PNKD: variants seen among roughly 807,000 people sequenced by gnomAD.
PNKD encodes the protein probable thioesterase PNKD.
Under a neutral mutation model 45.3 loss-of-function variants are expected in PNKD, and 36 were observed. The ratio of observed to expected loss-of-function variants is 0.80; its 90% CI spans 0.61 to 1.05. The LOEUF (loss-of-function observed/expected upper bound fraction) is 1.05, where lower values mean the gene tolerates loss of function less well. Among genes scored for constraint, PNKD ranks in the 50% least tolerant of loss-of-function variants. The probability of loss-of-function intolerance (pLI) is 0.00; values close to 1 mark genes in which losing one functional copy is unlikely to be tolerated. For synonymous variants in PNKD, 197 were observed against 210.1 expected (o/e 0.94, Z 0.54); for missense variants, 511 against 506.6 (o/e 1.01, Z -0.08).
At chr2:218,319,942 C>G (rs936142565) in intron 2 of PNKD, among the ~76,000 whole-genome samples, 2 of 152,224 alleles carry the variant, frequency 1.3e-5, no homozygotes, top group African/African-American at 4.8e-5. Context: ...ATTCAGAGAA[C>G]TGGGGAAGGA....
intron 2 of PNKD, chr2:218,279,436 C>G (rs780548136): frequency 5.4e-6 from 7 of 1,297,338 alleles, no homozygotes; most frequent in Non-Finnish European, 7.3e-6. Flanking sequence ...GTACTTTCCT[C>G]CCACTCAAGA....
At position 218,343,704 on chromosome 2, in the gene PNKD, G is replaced by A. The variant is rs528279260; in HGVS notation, c.868+118G>A. The A allele has an allele frequency of 1.9e-5, 14 of 756,044 alleles. No individual in the cohort carries two copies. The East Asian group carries it at 3.0e-4, about 16-fold the overall frequency. The allele number at this position is 756,044 out of a possible 1,614,324, so 46.8% of individuals were successfully genotyped here. On this transcript the variant is annotated intron_variant, in intron 8 of 9. Transcript: ENST00000273077. ...CCAGCCCAGTTCCTGGCCCAGAAGCGACACAGCTCCACCTCTAGGGGTAGG... is the reference window on the plus strand; with the variant it reads ...CCAGCCCAGTTCCTGGCCCAGAAGCAACACAGCTCCACCTCTAGGGGTAGG...
intron 2 of PNKD, among the ~76,000 whole-genome samples, chr2:218,314,046 T>C (rs1693693575): frequency 6.6e-6 from 1 of 151,270 alleles, no homozygotes; most frequent in African/African-American, 2.4e-5. Flanking sequence ...CTCAGCCTCC[T>C]GAGTTGCTGG....
intron 2 of PNKD, among the ~76,000 whole-genome samples, chr2:218,273,791 C>T (rs985286686): frequency 3.3e-5 from 5 of 152,040 alleles, no homozygotes; most frequent in African/African-American, 1.2e-4. Context: ...AGCCACCGCA[C>T]CAGGCCCAGT....
At chr2:218,335,881 A>G (rs1694474184) in intron 2 of PNKD, among the ~76,000 whole-genome samples, 1 of 152,168 alleles carries the variant, frequency 6.6e-6, no homozygotes, top group African/African-American at 2.4e-5. Flanking sequence ...GGGTCTGAAG[A>G]GCGGCTGCCC....
At chr2:218,301,622 T>A (rs1253314216) in intron 2 of PNKD, among the ~76,000 whole-genome samples, 1 of 152,052 alleles carries the variant, frequency 6.6e-6, no homozygotes. Flanking sequence ...CCCATCTCTT[T>A]AAAAAAATTA....
intron 2 of PNKD, chr2:218,278,356 C>T: frequency 1.4e-6 from 1 of 738,218 alleles, no homozygotes; most frequent in Non-Finnish European, 2.3e-6. Context: ...ACACATGGTC[C>T]TTTGTATACA....
At chr2:218,298,297 A>G (rs1003148998) in intron 2 of PNKD, among the ~76,000 whole-genome samples, 3 of 152,092 alleles carry the variant, frequency 2.0e-5, no homozygotes, top group African/African-American at 7.2e-5. Context: ...CCTTGGGGAT[A>G]CTTCTTTCCA....
intron 2 of PNKD, among the ~76,000 whole-genome samples, chr2:218,281,500 A>G (rs574425118): frequency 6.6e-6 from 1 of 152,306 alleles, no homozygotes; most frequent in African/African-American, 2.4e-5. Context: ...CTTGGCTCCA[A>G]ATGTCTTTTG....
At chr2:218,288,806 G>C (rs1692725476) in intron 2 of PNKD, among the ~76,000 whole-genome samples, 1 of 151,986 alleles carries the variant, frequency 6.6e-6, no homozygotes, top group South Asian at 2.1e-4. Context: ...AGTTGGGGTG[G>C]GTAAAAGAAA....
intron 2 of PNKD, chr2:218,280,249 A>T (rs1691752473): frequency 1.4e-6 from 1 of 720,704 alleles, no homozygotes; most frequent in Admixed American, 2.3e-5. Context: ...TATAACAGGA[A>T]CTCTTCTCCC....
At chr2:218,276,825 G>T (rs1287542435) in intron 2 of PNKD, among the ~76,000 whole-genome samples, 2 of 152,156 alleles carry the variant, frequency 1.3e-5, no homozygotes, top group Admixed American at 6.5e-5. Context: ...TCTCCACACA[G>T]AGAGTCTACC....
At chr2:218,338,495 G>C (rs1019807472) in intron 2 of PNKD, among the ~76,000 whole-genome samples, 4 of 147,890 alleles carry the variant, frequency 2.7e-5, no homozygotes, top group Admixed American at 2.0e-4. Flanking sequence ...GGTGGGACAC[G>C]GTGGCTCACA....
Position 218,345,144 on chromosome 2 carries a change from C to G in PNKD, c.*163C>G, listed in dbSNP as rs756538507. The G allele has an allele frequency of 1.6e-6, 1 of 633,462 alleles. No individual in the cohort carries two copies. The highest frequency in any genetic ancestry group is 2.7e-6 in the Non-Finnish European group (1 of 365,772). The allele number at this position is 633,462 out of a possible 1,614,324, so 39.2% of individuals were successfully genotyped here. On this transcript the variant is annotated 3_prime_UTR_variant, in exon 10 of 10. Transcript: ENST00000273077. Reference sequence around the variant, plus strand: ...GGAGGGGAGGGATCAGGCGATGAGACTGTGAGGCCAAAAGAAGGGGGCCTG... The same window carrying G: ...GGAGGGGAGGGATCAGGCGATGAGAGTGTGAGGCCAAAAGAAGGGGGCCTG...
At chr2:218,299,499 C>T (rs1469969479) in intron 2 of PNKD, among the ~76,000 whole-genome samples, 2 of 152,134 alleles carry the variant, frequency 1.3e-5, no homozygotes, top group African/African-American at 2.4e-5. Context: ...GGCTGGAGTG[C>T]AGCGAAGCAG....
At chr2:218,318,820 T>C (rs192959344) in intron 2 of PNKD, among the ~76,000 whole-genome samples, 1 of 152,060 alleles carries the variant, frequency 6.6e-6, no homozygotes, top group East Asian at 1.9e-4. Context: ...GTAAGCACAG[T>C]AATATTAGTA....
At chr2:218,297,766 G>A (rs1372123336) in intron 2 of PNKD, among the ~76,000 whole-genome samples, 4 of 149,670 alleles carry the variant, frequency 2.7e-5, no homozygotes, top group Admixed American at 6.7e-5. Context: ...TTGAGAGGCC[G>A]AGGCGGGCAG....
At chr2:218,322,548 T>G (rs565203800) in intron 2 of PNKD, among the ~76,000 whole-genome samples, 1 of 152,334 alleles carries the variant, frequency 6.6e-6, no homozygotes, top group East Asian at 1.9e-4. Flanking sequence ...GGCCTCTTCC[T>G]ATCCTTCAGG....
chr2:218,306,136 C>T (rs1296836581), intron 2 of PNKD, among the ~76,000 whole-genome samples: 1 of 152,126 alleles, frequency 6.6e-6, no homozygotes, highest in Admixed American at 6.5e-5. Context: ...AGACGGGACA[C>T]ATGTGGAGGG....
Sources: gnomAD v4.1 joint callset for allele counts (sites outside exome capture counted in the v4.1 genomes callset) on GRCh38, gnomAD v4.1.1 for gene constraint, MANE v1.5 for transcripts, NCBI Gene and HGNC (gene_info 2026-07-23, HGNC 2026-07-21) for gene names.